LSG1: variants seen among roughly 807,000 people sequenced by gnomAD.
LSG1 encodes the protein large 60S subunit nuclear export GTPase 1.
In LSG1, 55 loss-of-function variants were observed where a neutral mutation model predicts 82.6. The ratio of observed to expected loss-of-function variants is 0.67; its 90% confidence interval spans 0.54 to 0.83. The LOEUF is 0.83. Ranked by LOEUF, LSG1 falls within the 40% of genes least tolerant of loss-of-function variation. The pLI, the probability that LSG1 is intolerant of heterozygous loss-of-function variation, is 0.00. For missense variants in LSG1, 809 were observed against 807.9 expected (o/e 1.00, Z -0.02); for synonymous variants, 272 against 282.5 (o/e 0.96, Z 0.37).
At chr3:194,669,950 A>C (rs1719109952) in intron 2 of LSG1, 59 bp downstream of exon 2, 1 of 1,563,262 alleles carries the variant, frequency 6.4e-7, no homozygotes, top group African/African-American at 1.4e-5. Flanking sequence ...AACAAAAAAA[A>C]CCTCAGCCCC....
At chr3:194,661,896 G>T (rs943982808) in intron 5 of LSG1, among the ~76,000 whole-genome samples, 1 of 152,180 alleles carries the variant, frequency 6.6e-6, no homozygotes, top group African/African-American at 2.4e-5. Context: ...GTTTCAACAT[G>T]TACAGGCTCA....
At chr3:194,664,482 CAA>C (rs553103344) in intron 5 of LSG1, among the ~76,000 whole-genome samples, 58 of 152,180 alleles carry the variant, frequency 3.8e-4, no homozygotes, top group African/African-American at 1.2e-3. Context: ...TTAACTATAC[CAA>C]AGAGGTGAGA....
chr3:194,668,375 C>T (rs1209045358), intron 2 of LSG1, among the ~76,000 whole-genome samples: 3 of 152,180 alleles, frequency 2.0e-5, no homozygotes, highest in African/African-American at 4.8e-5. Context: ...AAAACAGCTA[C>T]ACCATTTTAT....
chr3:194,664,597 C>T (rs1718994650), intron 5 of LSG1, among the ~76,000 whole-genome samples: 2 of 152,066 alleles, frequency 1.3e-5, no homozygotes, highest in Non-Finnish European at 2.9e-5. Context: ...AAATCATTCT[C>T]TTCTTTTCAG....
Position 194,641,868 on chromosome 3 carries a change from C to T in LSG1, c.*200G>A. 1 of 501,708 alleles carries T rather than the reference C, an allele frequency of 2.0e-6. No individual in the cohort carries two copies. The highest frequency in any genetic ancestry group is 3.5e-6 in the Non-Finnish European group (1 of 287,718). The allele number at this position is 501,708 out of a possible 1,614,324, so 31.1% of individuals were successfully genotyped here. A position where few individuals can be genotyped will look rare whatever the true frequency, so the allele number is the denominator to read the frequency against. ...GCCAGGAGTAGGATTCTCGGGCTCC[C>T]AGATGACTCCTTTTTGTCAGAGTTG... is the stretch of plus-strand genomic sequence containing the variant. On this transcript the variant is annotated 3_prime_UTR_variant, in exon 14 of 14. Transcript: ENST00000265245.
chr3:194,660,078 C>T lies in LSG1; in HGVS notation c.577G>A (p.Asp193Asn), dbSNP rs780420427. ...TTTTGTCAAACTTGACTTACCAAAT[C>T]CTCACATCTAAACAGGAGTGGGTTT... is the stretch of plus-strand genomic sequence containing the variant. ...ARNPLLFRCE[D>N]LECYVKEMDA... is the part of the protein sequence containing the mutation. Residue 193 changes from aspartate to asparagine, a missense_variant, in exon 6 of 14, where the codon GAT becomes AAT. By Grantham distance (23) the Asp-to-Asn change is conservative (BLOSUM62 1). Coordinates refer to ENST00000265245, the MANE Select transcript of LSG1 (RefSeq NM_018385.3). 1 of 1,613,850 alleles carries T rather than the reference C, an allele frequency of 6.2e-7. No individual in the cohort carries two copies. The highest frequency in any genetic ancestry group is 1.1e-5 in the South Asian group (1 of 91,064).
intron 11 of LSG1, among the ~76,000 whole-genome samples, chr3:194,647,560 G>C (rs1000690195): frequency 2.6e-5 from 4 of 152,204 alleles, no homozygotes; most frequent in Non-Finnish European, 5.9e-5. Context: ...GAAATTGTAC[G>C]TGTGGTCATT....
intron 11 of LSG1, among the ~76,000 whole-genome samples, chr3:194,647,822 G>C (rs1014246446): frequency 6.6e-6 from 1 of 152,178 alleles, no homozygotes; most frequent in Non-Finnish European, 1.5e-5. Context: ...CTTAAAAGCA[G>C]GGGCTAGGAG....
chr3:194,669,642 T>G (rs1038940127), intron 2 of LSG1, among the ~76,000 whole-genome samples: 1 of 152,146 alleles, frequency 6.6e-6, no homozygotes, highest in Non-Finnish European at 1.5e-5. Flanking sequence ...TACTCATTGT[T>G]CAAGACTCAG....
intron 5 of LSG1, 139 bp from the exon 6 acceptor site, chr3:194,660,272 C>T (rs1560226873): frequency 4.3e-6 from 3 of 697,862 alleles, no homozygotes; most frequent in Admixed American, 4.4e-5. Flanking sequence ...TATAATTATT[C>T]CCGGTTTATA....
chr3:194,656,085 G>A (rs1577255497), intron 7 of LSG1, among the ~76,000 whole-genome samples: 1 of 151,926 alleles, frequency 6.6e-6, no homozygotes, highest in African/African-American at 2.4e-5. Flanking sequence ...CAGGACACAG[G>A]CATGGGCAAG....
At chr3:194,643,456 CA>C (rs1373930569) in intron 13 of LSG1, among the ~76,000 whole-genome samples, 2 of 152,090 alleles carry the variant, frequency 1.3e-5, no homozygotes, top group Non-Finnish European at 2.9e-5. Context: ...TGACGCTCAG[CA>C]TCACTAGTAA....
chr3:194,666,178 T>G (rs762406587), intron 4 of LSG1, 25 bp downstream of exon 4: 5 of 1,585,180 alleles, frequency 3.2e-6, no homozygotes, highest in Non-Finnish European at 4.3e-6. Context: ...TCAAAGTAAG[T>G]CTTCATAGAG....
intron 12 of LSG1, among the ~76,000 whole-genome samples, chr3:194,645,571 GACAGACACACACACACACACACAC>G (rs1718525241): frequency 2.2e-4 from 9 of 41,326 alleles, no homozygotes; most frequent in Admixed American, 4.2e-4. Flanking sequence ...CACACACACA[GACAGACACACACACACACACACAC>G]ACACACACAC....
chr3:194,654,644 T>C (rs1421970305), intron 7 of LSG1, among the ~76,000 whole-genome samples: 1 of 152,152 alleles, frequency 6.6e-6, no homozygotes, highest in East Asian at 1.9e-4. Context: ...TGAGTCATTT[T>C]CAAATATGAA....
At chr3:194,643,947 G>A (rs1010174213) in intron 13 of LSG1, among the ~76,000 whole-genome samples, 3 of 152,238 alleles carry the variant, frequency 2.0e-5, no homozygotes, top group South Asian at 2.1e-4. Flanking sequence ...AGCCTGTCAC[G>A]AAGAGCACAC....
At chr3:194,671,303 G>GT (rs1719135305) in intron 1 of LSG1, among the ~76,000 whole-genome samples, 5 of 152,186 alleles carry the variant, frequency 3.3e-5, no homozygotes, top group Non-Finnish European at 5.9e-5. Context: ...AATGTCCAGA[G>GT]TAACTCTGAC....
In LSG1 at chr3:194,666,287, G is replaced by C. The variant is rs146856473; in HGVS notation, c.350C>G (p.Pro117Arg). The change falls in exon 4 of 14, where the codon CCA (proline) becomes CGA (arginine). Residue 117 changes from proline to arginine, a missense_variant and splice_region_variant. By Grantham distance (103) the Pro-to-Arg change is moderately radical. Coordinates refer to ENST00000265245, the MANE Select transcript of LSG1 (RefSeq NM_018385.3). ...NKQFLCIPRRPNWNQNTTPEE... is the reference protein window; with the variant it reads ...NKQFLCIPRRRNWNQNTTPEE... ...TGGGGTAGTATTTTGGTTCCAGTTT[G>C]GTCTGAAACAATCATAGAAGGAAAA... is the stretch of plus-strand genomic sequence containing the variant. The C allele has an allele frequency of 4.8e-4, 770 of 1,613,700 alleles. 1 individual carries two copies. The highest frequency in any genetic ancestry group is 1.8e-3 in the Admixed American group (106 of 59,986).
At position 194,643,884 on chromosome 3, in the gene LSG1, T is replaced by C. The variant is rs138759999; in HGVS notation, c.1797+689A>G. Among the ~76,000 whole-genome samples, 844 of 152,316 alleles carry C rather than the reference T, an allele frequency of 5.5e-3. 8 individuals are homozygous for C. The highest frequency in any genetic ancestry group is 0.019 in the African/African-American group (776 of 41,578). On this transcript the variant is annotated intron_variant, in intron 13 of 13. Coordinates refer to ENST00000265245, the MANE Select transcript of LSG1 (RefSeq NM_018385.3). Reference sequence around the variant, plus strand: ...TCGGTAATAAAAAGGACTGAAATACTGACACAGGCTACAACATGGATGAAT... The same window carrying C: ...TCGGTAATAAAAAGGACTGAAATACCGACACAGGCTACAACATGGATGAAT...
Sources: allele counts gnomAD v4.1 joint callset (sites outside exome capture counted in the v4.1 genomes callset), GRCh38; gene constraint gnomAD v4.1.1; transcripts MANE v1.5; gene names NCBI Gene and HGNC (gene_info 2026-07-23, HGNC 2026-07-21).